Variants in LRP1B observed in about 807,000 individuals in gnomAD.
The protein encoded by LRP1B is low-density lipoprotein receptor-related protein 1B.
In LRP1B, 217 loss-of-function variants were observed where a neutral mutation model predicts 556.6. The observed-to-expected ratio is 0.39, with a 90% CI of 0.35 to 0.44. The LOEUF is 0.44. Among genes scored for constraint, LRP1B ranks in the 20% least tolerant of loss-of-function variants. The probability of loss-of-function intolerance (pLI) is 1.00; values close to 1 mark genes in which losing one functional copy is unlikely to be tolerated. For missense variants in LRP1B, 5,053 were observed against 5,620.8 expected (o/e 0.90, Z 3.23); for synonymous variants, 2,047 against 1,865.8 (o/e 1.10, Z -2.50).
At chr2:141,518,073 C>T (rs554878802) in intron 2 of LRP1B, among the ~76,000 whole-genome samples, 5 of 151,604 alleles carry the variant, frequency 3.3e-5, no homozygotes, top group African/African-American at 1.2e-4. Context: ...AGACATTAAT[C>T]AAATAATCTG....
rs1399011623 is a variant in LRP1B at position 141,370,119 on chromosome 2, C to A, written c.343+110277G>T. ...GCAATAAACATATGAGTGCAGGTAT[C>A]TTTTTGATGTAATTATTTCTTTTCC... On this transcript the variant is annotated intron_variant, in intron 3 of 90. Transcript: ENST00000389484. 3.9e-5 allele frequency among the ~76,000 whole-genome samples: 6 copies of A among 152,036 alleles called. No homozygotes were observed. In the East Asian group the frequency reaches 1.2e-3, roughly 29 times the overall value.
At chr2:140,436,005 C>T (rs1248690749) in intron 66 of LRP1B, among the ~76,000 whole-genome samples, 1 of 150,986 alleles carries the variant, frequency 6.6e-6, no homozygotes, top group Non-Finnish European at 1.5e-5. Context: ...ACACACACAC[C>T]CAAATATACA....
At chr2:141,011,407 T>C (rs2105382262) in intron 14 of LRP1B, among the ~76,000 whole-genome samples, 2 of 152,170 alleles carry the variant, frequency 1.3e-5, no homozygotes, top group Admixed American at 1.3e-4. Flanking sequence ...TTGATCAATG[T>C]AGTAAAAGAT....
intron 21 of LRP1B, among the ~76,000 whole-genome samples, chr2:140,915,825 G>A (rs756709443): frequency 4.6e-5 from 7 of 151,918 alleles, no homozygotes; most frequent in Non-Finnish European, 7.4e-5. Flanking sequence ...TCAGGAGATC[G>A]AGACCATCCT....
In LRP1B at chr2:141,013,535, TTTTAA is replaced by T; in HGVS notation, c.2380+16_2380+20del. 3.8e-6 allele frequency: 6 copies of T among 1,583,154 alleles called. No individual in the cohort carries two copies. Among genetic ancestry groups the T allele is most frequent in the Non-Finnish European group, 5.2e-6 (6 of 1,163,462 alleles). ...TTATTATATGTGAATCTCAGAAGCA[TTTTAA>T]TTTGTTTTTTAATACCTTGTTGCTT... On this transcript the variant is annotated intron_variant, in intron 14 of 90. Transcript: ENST00000389484.
chr2:141,660,281 C>T (rs1391170732), intron 2 of LRP1B, among the ~76,000 whole-genome samples: 1 of 152,126 alleles, frequency 6.6e-6, no homozygotes, highest in Non-Finnish European at 1.5e-5. Flanking sequence ...CTACCCTGCC[C>T]GGGAAGCCAT....
At chr2:141,100,621 TGTGG>T (rs1700437033) in intron 7 of LRP1B, among the ~76,000 whole-genome samples, 2 of 152,140 alleles carry the variant, frequency 1.3e-5, no homozygotes, top group East Asian at 3.9e-4. Context: ...ACTTATAAGA[TGTGG>T]GGTACCTAGA....
intron 43 of LRP1B, among the ~76,000 whole-genome samples, chr2:140,560,147 T>C (rs1004603225): frequency 2.0e-5 from 3 of 151,970 alleles, no homozygotes; most frequent in Non-Finnish European, 4.4e-5. Flanking sequence ...TGAGACAATA[T>C]CAAATAAACC....
intron 66 of LRP1B, among the ~76,000 whole-genome samples, chr2:140,387,132 A>G (rs549049611): frequency 6.6e-6 from 1 of 152,292 alleles, no homozygotes; most frequent in Non-Finnish European, 1.5e-5. Flanking sequence ...GTGTACTTAG[A>G]TCAACTCCTT....
chr2:141,937,845 T>C (rs1377478826), intron 1 of LRP1B, among the ~76,000 whole-genome samples: 1 of 152,174 alleles, frequency 6.6e-6, no homozygotes, highest in Non-Finnish European at 1.5e-5. Context: ...AAGTCTTTCA[T>C]CCACTTTGTG....
At chr2:140,498,028 A>T (rs1170256274) in intron 55 of LRP1B, among the ~76,000 whole-genome samples, 2 of 151,934 alleles carry the variant, frequency 1.3e-5, no homozygotes, top group East Asian at 3.8e-4. Context: ...ATAAAAAGAC[A>T]TCTGCAGGAA....
chr2:142,097,713 C>A (rs1345681539), intron 1 of LRP1B, among the ~76,000 whole-genome samples: 2 of 151,386 alleles, frequency 1.3e-5, no homozygotes, highest in Non-Finnish European at 3.0e-5. Flanking sequence ...ATTTTAAAAC[C>A]ATGTAATTGC....
intron 41 of LRP1B, among the ~76,000 whole-genome samples, chr2:140,646,538 C>A (rs1684491691): frequency 6.6e-6 from 1 of 152,166 alleles, no homozygotes; most frequent in South Asian, 2.1e-4. Context: ...TGATGCCAGT[C>A]TATGCACTTT....
intron 1 of LRP1B, among the ~76,000 whole-genome samples, chr2:141,978,307 T>C (rs529221186): frequency 6.6e-6 from 1 of 152,176 alleles, no homozygotes; most frequent in African/African-American, 2.4e-5. Context: ...GTAAATTATA[T>C]TGGAATGTAC....
chr2:141,544,352 C>CTTCTTCTTCTTTTCTTCTT (rs1685446309), intron 2 of LRP1B, among the ~76,000 whole-genome samples: 1 of 89,572 alleles, frequency 1.1e-5, no homozygotes, highest in African/African-American at 3.8e-5. Flanking sequence ...TCTTCTTCTT[C>CTTCTTCTTCTTTTCTTCTT]TTCTTCTTCT....
At chr2:142,017,433 G>C (rs1396958382) in intron 1 of LRP1B, among the ~76,000 whole-genome samples, 1 of 152,078 alleles carries the variant, frequency 6.6e-6, no homozygotes, top group Non-Finnish European at 1.5e-5. Flanking sequence ...AATGATATAT[G>C]TTGCATTCTA....
intron 68 of LRP1B, 86 bp downstream of exon 68, chr2:140,378,094 T>C (rs1683313118): frequency 2.3e-6 from 2 of 857,714 alleles, no homozygotes; most frequent in East Asian, 5.0e-5. Flanking sequence ...TGAGCTGTCC[T>C]TGCCGCACTT....
chr2:141,655,646 G>T (rs1269946995), intron 2 of LRP1B, among the ~76,000 whole-genome samples: 1 of 152,004 alleles, frequency 6.6e-6, no homozygotes, highest in South Asian at 2.1e-4. Flanking sequence ...AAGATATTCT[G>T]CTTGAATATA....
chr2:141,298,559 C>G (rs1227287896), intron 3 of LRP1B, among the ~76,000 whole-genome samples: 2 of 152,276 alleles, frequency 1.3e-5, no homozygotes, highest in Middle Eastern at 3.4e-3. Context: ...GGCTCAGCAT[C>G]ATAGGGGAGG....
Sources: allele counts gnomAD v4.1 joint callset (sites outside exome capture counted in the v4.1 genomes callset), GRCh38; gene constraint gnomAD v4.1.1; transcripts MANE v1.5; gene names NCBI Gene and HGNC (gene_info 2026-07-23, HGNC 2026-07-21).